Variants in CDC42BPA observed in about 807,000 individuals in gnomAD.
The protein encoded by CDC42BPA is CDC42 binding protein kinase alpha.
In CDC42BPA, 80 loss-of-function variants were observed where a neutral mutation model predicts 223.5. The ratio of observed to expected loss-of-function variants is 0.36; its 90% confidence interval spans 0.30 to 0.43. The LOEUF (loss-of-function observed/expected upper bound fraction) is 0.43. Ranked by LOEUF, CDC42BPA falls within the 20% of genes least tolerant of loss-of-function variation. The probability of loss-of-function intolerance (pLI) is 1.00; values close to 1 mark genes in which losing one functional copy is unlikely to be tolerated. For synonymous variants in CDC42BPA, 694 were observed against 718.6 expected, an observed-to-expected ratio of 0.97 and a Z score of 0.55; for missense variants, 1,743 against 2,099.9, an observed-to-expected ratio of 0.83 and a Z score of 3.32.
chr1:227,293,847 C>T (rs534644937), intron 1 of CDC42BPA, among the ~76,000 whole-genome samples: 3 of 152,096 alleles, frequency 2.0e-5, no homozygotes, highest in African/African-American at 7.2e-5. Flanking sequence ...TTCTTCACTA[C>T]CTTATAAAAT....
chr1:227,131,987 A>G (rs183901504), intron 10 of CDC42BPA, among the ~76,000 whole-genome samples: 375 of 152,328 alleles, frequency 2.5e-3, no homozygotes, highest in South Asian at 5.4e-3. Flanking sequence ...ACAGCACATG[A>G]GGAGACTGCT....
chr1:227,089,641 T>TC (rs1682703087), intron 16 of CDC42BPA, among the ~76,000 whole-genome samples: 2 of 141,660 alleles, frequency 1.4e-5, no homozygotes, highest in African/African-American at 5.3e-5. Context: ...TTTTTTTTTT[T>TC]TTTTTTTTTT....
chr1:227,003,457 C>G (rs1364362765), intron 35 of CDC42BPA, among the ~76,000 whole-genome samples: 2 of 152,212 alleles, frequency 1.3e-5, no homozygotes, highest in African/African-American at 4.8e-5. Flanking sequence ...CAAGAACATT[C>G]TTCCCCAAGT....
chr1:227,153,299 C>G (rs1319572875), intron 6 of CDC42BPA, among the ~76,000 whole-genome samples: 2 of 151,644 alleles, frequency 1.3e-5, no homozygotes, highest in East Asian at 3.9e-4. Context: ...TACAAAATCA[C>G]AAAGCAAATT....
At chr1:227,168,497 G>GTTTTTTTGTTTTTTTTT (rs1665478978) in intron 5 of CDC42BPA, among the ~76,000 whole-genome samples, 2 of 80,196 alleles carry the variant, frequency 2.5e-5, no homozygotes, top group African/African-American at 5.0e-5. Context: ...CTTCCCTGGT[G>GTTTTTTTGTTTTTTTTT]TTTTTTTTTT....
chr1:227,034,418 G>A (rs1251988529), intron 26 of CDC42BPA, among the ~76,000 whole-genome samples: 1 of 152,008 alleles, frequency 6.6e-6, no homozygotes, highest in Non-Finnish European at 1.5e-5. Flanking sequence ...AGGTCTTTGG[G>A]ACACCAACTT....
intron 27 of CDC42BPA, among the ~76,000 whole-genome samples, chr1:227,031,780 G>T (rs995898936): frequency 2.7e-5 from 4 of 149,940 alleles, no homozygotes; most frequent in African/African-American, 1.0e-4. Context: ...TCACTAAAGA[G>T]GCATTAAATA....
chr1:227,160,652 A>C lies in CDC42BPA; in HGVS notation c.600-16T>G, dbSNP rs1214220553. The C allele has an allele frequency of 7.4e-7, 1 of 1,348,980 alleles. No homozygotes were observed. The highest frequency in any genetic ancestry group is 1.0e-6 in the Non-Finnish European group (1 of 961,024). The allele number at this position is 1,348,980 out of a possible 1,614,324, so 83.6% of individuals were successfully genotyped here. On this transcript the variant is annotated splice_polypyrimidine_tract_variant and intron_variant, in intron 5 of 36. Coordinates refer to ENST00000366766, the MANE Select transcript of CDC42BPA (RefSeq NM_001394014.1). ...TTTAATGTCTCTGAAAAAATAAATA[A>C]ATTCAATTTTTAGTGGAAAAATAAA... is the stretch of plus-strand genomic sequence containing the variant.
intron 29 of CDC42BPA, 81 bp downstream of exon 29, chr1:227,030,327 C>T (rs1669033665): frequency 1.2e-6 from 1 of 825,836 alleles, no homozygotes; most frequent in Non-Finnish European, 2.0e-6. Flanking sequence ...AAATCCTGCT[C>T]TTTGTAGAAT....
chr1:227,193,696 C>A, intron 5 of CDC42BPA, 90 bp downstream of exon 5: 7 of 1,059,588 alleles, frequency 6.6e-6, no homozygotes, highest in South Asian at 3.9e-5. Flanking sequence ...GTATCCAAGA[C>A]CATAATTAAT....
intron 1 of CDC42BPA, among the ~76,000 whole-genome samples, chr1:227,283,626 G>T (rs1688349903): frequency 1.3e-5 from 2 of 152,206 alleles, no homozygotes; most frequent in African/African-American, 4.8e-5. Flanking sequence ...CCAAAGGAAA[G>T]AGGACAGAAG....
intron 16 of CDC42BPA, among the ~76,000 whole-genome samples, 194 bp downstream of exon 16, chr1:227,091,692 G>A (rs950800110): frequency 2.0e-5 from 3 of 152,144 alleles, no homozygotes; most frequent in Non-Finnish European, 4.4e-5. Context: ...AAGGAGATAA[G>A]CAAAACTCTC....
At chr1:227,085,135 T>C (rs188216834) in intron 16 of CDC42BPA, among the ~76,000 whole-genome samples, 2 of 152,158 alleles carry the variant, frequency 1.3e-5, no homozygotes, top group Admixed American at 6.5e-5. Context: ...TATAATCACT[T>C]GAGCCAATTC....
chr1:227,294,859 CAAAAAAAAAAAAAAA>C (rs397983087), intron 1 of CDC42BPA, among the ~76,000 whole-genome samples: 2 of 12,818 alleles, frequency 1.6e-4, no homozygotes, highest in Non-Finnish European at 2.4e-4. Context: ...GACTCCGTCT[CAAAAAAAAAAAAAAA>C]AAAAAAAAAA....
intron 24 of CDC42BPA, among the ~76,000 whole-genome samples, chr1:227,039,874 G>GATAC (rs57568939): frequency 6.6e-6 from 1 of 151,754 alleles, no homozygotes; most frequent in Non-Finnish European, 1.5e-5. Context: ...TCTTCTGTCA[G>GATAC]GTTAATGTTT....
At chr1:227,038,796 T>C (rs1304197913) in intron 24 of CDC42BPA, among the ~76,000 whole-genome samples, 1 of 152,108 alleles carries the variant, frequency 6.6e-6, no homozygotes, top group Non-Finnish European at 1.5e-5. Flanking sequence ...CAAAGCACAA[T>C]CAAAGCAATG....
intron 14 of CDC42BPA, among the ~76,000 whole-genome samples, chr1:227,105,710 G>A (rs1685807312): frequency 6.6e-6 from 1 of 152,068 alleles, no homozygotes; most frequent in Non-Finnish European, 1.5e-5. Flanking sequence ...TATTTGTCCT[G>A]TTGTGTCTGG....
At chr1:227,201,281 G>T (rs185463307) in intron 3 of CDC42BPA, among the ~76,000 whole-genome samples, 1 of 151,912 alleles carries the variant, frequency 6.6e-6, no homozygotes, top group East Asian at 1.9e-4. Flanking sequence ...GAGTAGCTGG[G>T]ACTACAGGTG....
At position 227,237,253 on chromosome 1, in the gene CDC42BPA, G is replaced by A. The variant is rs1363136730; in HGVS notation, c.270+16811C>T. On this transcript the variant is annotated intron_variant, in intron 2 of 36. Transcript: ENST00000366766. Reference sequence around the variant, plus strand: ...CATGAATTCAGCTCAATCTGGAAAAGTTATTACATGGTATCTTAAAATGAG... The same window carrying A: ...CATGAATTCAGCTCAATCTGGAAAAATTATTACATGGTATCTTAAAATGAG... 6.6e-5 allele frequency among the ~76,000 whole-genome samples: 10 copies of A among 152,104 alleles called. No individual in the cohort carries two copies. The South Asian group carries it at 1.7e-3, about 25-fold the overall frequency.
Sources: gnomAD v4.1 joint callset for allele counts (sites outside exome capture counted in the v4.1 genomes callset) on GRCh38, gnomAD v4.1.1 for gene constraint, MANE v1.5 for transcripts, NCBI Gene and HGNC (gene_info 2026-07-23, HGNC 2026-07-21) for gene names.